CCDC25: variants seen among roughly 807,000 people sequenced by gnomAD.
The protein encoded by CCDC25 is coiled-coil domain containing 25.
CCDC25 carries 16 observed loss-of-function variants against 35.3 expected under a neutral mutation model. That is an observed-to-expected ratio of 0.45 (90% CI 0.31 to 0.69). CCDC25 has a LOEUF of 0.69. Ranked by LOEUF, CCDC25 falls within the 30% of genes least tolerant of loss-of-function variation. CCDC25 has a pLI of 0.06. For synonymous variants in CCDC25, 79 were observed against 80.3 expected (o/e 0.98, Z 0.09); for missense variants, 179 against 250.7 (o/e 0.71, Z 1.93).
chr8:27,748,447 C>A (rs1018115736), intron 6 of CCDC25, 48 bp downstream of exon 6: 8 of 1,398,696 alleles, frequency 5.7e-6, no homozygotes, highest in Non-Finnish European at 8.1e-6. Flanking sequence ...ATAGGATACT[C>A]CATTCAGTAT....
intron 5 of CCDC25, among the ~76,000 whole-genome samples, 189 bp downstream of exon 5, chr8:27,752,323 G>A (rs1041599002): frequency 6.6e-6 from 1 of 152,174 alleles, no homozygotes; most frequent in Non-Finnish European, 1.5e-5. Flanking sequence ...AGGGTGGGGA[G>A]ATCAGTTTTT....
chr8:27,752,693 A>G lies in CCDC25; in HGVS notation c.169-106T>C, dbSNP rs951822024. ...TACCTACTAGGCATGATTTTACTAA[A>G]AGCAGAGGTTCTTCAACTGTTACAG... is the stretch of plus-strand genomic sequence containing the variant. On this transcript the variant is annotated intron_variant, in intron 4 of 8. Coordinates refer to ENST00000356537, the MANE Select transcript of CCDC25 (RefSeq NM_018246.3). 26 of 748,218 alleles carry G rather than the reference A, an allele frequency of 3.5e-5. No homozygotes were observed. The Admixed American group carries it at 5.5e-4, about 16-fold the overall frequency. The allele number at this position is 748,218 out of a possible 1,614,324, so 46.3% of individuals were successfully genotyped here.
intron 1 of CCDC25, among the ~76,000 whole-genome samples, chr8:27,767,582 C>T (rs988477089): frequency 7.2e-5 from 11 of 152,026 alleles, no homozygotes; most frequent in East Asian, 1.9e-4. Context: ...AGCAATTGCT[C>T]GCGATTAGAG....
At chr8:27,748,812 G>A (rs1203528625) in intron 5 of CCDC25, among the ~76,000 whole-genome samples, 1 of 152,206 alleles carries the variant, frequency 6.6e-6, no homozygotes, top group Non-Finnish European at 1.5e-5. Flanking sequence ...ACTATGGCAA[G>A]TAGGAGTCCA....
rs746538853 is a variant in CCDC25, at chr8:27,733,366, C to G, written c.*2850G>C. 16 of 152,220 alleles carry G rather than the reference C, an allele frequency of 1.1e-4. No homozygotes were observed. The highest frequency in any genetic ancestry group is 1.6e-4 in the Non-Finnish European group (11 of 68,040). 9.4% of individuals were successfully genotyped at this position (152,220 alleles called of 1,614,324 possible). On this transcript the variant is annotated 3_prime_UTR_variant, in exon 9 of 9. Coordinates refer to ENST00000356537, the MANE Select transcript of CCDC25 (RefSeq NM_018246.3). ...TATTGTATTTTACAGATCATTCATT[C>G]AGGACATGCTGCATCTGGGGTTGGC...
intron 7 of CCDC25, among the ~76,000 whole-genome samples, chr8:27,746,556 C>T (rs777111688): frequency 1.3e-5 from 2 of 152,140 alleles, no homozygotes; most frequent in Non-Finnish European, 2.9e-5. Context: ...TCAGTTTCCC[C>T]CCACTCCAAA....
At chr8:27,760,384 C>T (rs1437013520) in intron 3 of CCDC25, among the ~76,000 whole-genome samples, 5 of 152,282 alleles carry the variant, frequency 3.3e-5, no homozygotes, top group Admixed American at 3.3e-4. Context: ...AGCTAACTGC[C>T]TAACAGGTGC....
In CCDC25 at chr8:27,756,552, A is replaced by T. The variant is rs537268144; in HGVS notation, c.168+167T>A. ...TTCTATATCTCAAAAATCATCTAGAATGTTAGAGTGATTTTCTGGGTCAGA... is the reference window on the plus strand; with the variant it reads ...TTCTATATCTCAAAAATCATCTAGATTGTTAGAGTGATTTTCTGGGTCAGA... On this transcript the variant is annotated intron_variant, in intron 4 of 8. Coordinates refer to ENST00000356537, the MANE Select transcript of CCDC25 (RefSeq NM_018246.3). The T allele has an allele frequency of 9.7e-4, 575 of 595,272 alleles. 2 individuals carry two copies. Among genetic ancestry groups the T allele is most frequent in the Admixed American group, 1.8e-3 (61 of 34,162 alleles). 36.9% of individuals were successfully genotyped at this position (595,272 alleles called of 1,614,324 possible).
intron 3 of CCDC25, among the ~76,000 whole-genome samples, chr8:27,757,536 C>T (rs1177702125): frequency 6.6e-6 from 1 of 152,108 alleles, no homozygotes; most frequent in East Asian, 1.9e-4. Flanking sequence ...TTAAATTTAC[C>T]TTTCATGATG....
intron 2 of CCDC25, among the ~76,000 whole-genome samples, chr8:27,764,057 T>C (rs183157603): frequency 5.3e-4 from 80 of 152,334 alleles, no homozygotes; most frequent in African/African-American, 1.8e-3. Flanking sequence ...TGAAAGCTTT[T>C]CAGTGAAAGT....
intron 1 of CCDC25, among the ~76,000 whole-genome samples, chr8:27,769,321 C>A (rs1404592437): frequency 6.6e-6 from 1 of 152,072 alleles, no homozygotes; most frequent in Non-Finnish European, 1.5e-5. Context: ...AAAACAGGAC[C>A]CACAAATCTA....
chr8:27,763,032 GAAGGATTCTTTTTTTAATTCT>G (rs1804279689), intron 2 of CCDC25, among the ~76,000 whole-genome samples: 1 of 152,122 alleles, frequency 6.6e-6, no homozygotes, highest in Admixed American at 6.6e-5. Context: ...TGGGTATTAA[GAAGGATTCTTTTTTTAATTCT>G]AAGCATTCTA....
Position 27,734,720 on chromosome 8 carries a change from C to T in CCDC25, c.*1496G>A, listed in dbSNP as rs1803157341. 1 of 152,112 alleles carries T rather than the reference C, an allele frequency of 6.6e-6. No individual in the cohort carries two copies. Among genetic ancestry groups the T allele is most frequent in the South Asian group, 2.1e-4 (1 of 4,826 alleles). The allele number at this position is 152,112 out of a possible 1,614,324, so 9.4% of individuals were successfully genotyped here. A position where few individuals can be genotyped will look rare whatever the true frequency, so the allele number is the denominator to read the frequency against. On this transcript the variant is annotated 3_prime_UTR_variant, in exon 9 of 9. Coordinates refer to ENST00000356537, the MANE Select transcript of CCDC25 (RefSeq NM_018246.3). ...CTATAGTAAAAATATATGTATTTTT[C>T]AAAAGCGCTATCTACATGTGTTGCA...
chr8:27,738,534 C>T (rs1013011142), intron 8 of CCDC25, among the ~76,000 whole-genome samples: 5 of 151,460 alleles, frequency 3.3e-5, no homozygotes, highest in Non-Finnish European at 5.9e-5. Context: ...TTCCTAGTCT[C>T]GGGACTTTTA....
At chr8:27,756,474 G>A (rs1006788523) in intron 4 of CCDC25, 4 of 428,822 alleles carry the variant, frequency 9.3e-6, no homozygotes, top group South Asian at 6.0e-5. Context: ...ACAGCACACC[G>A]GAAGTGACAG....
chr8:27,756,631 T>C, intron 4 of CCDC25, 88 bp downstream of exon 4: 1 of 911,506 alleles, frequency 1.1e-6, no homozygotes, highest in Non-Finnish European at 1.8e-6. Flanking sequence ...AACTTATTAC[T>C]GTAAGCAATT....
In CCDC25 at chr8:27,737,186, C is replaced by T. The variant is rs1671586258; in HGVS notation, c.598-941G>A. On this transcript the variant is annotated intron_variant, in intron 8 of 8. Transcript: ENST00000356537. The surrounding 1 kb of genome is among the most constrained non-coding windows in gnomAD (Gnocchi z 4.6). ...TTCCATTAGCACGATGAACTGAAGCCAAGGTAAAAATGCCTTCGATAATTG... is the reference window on the plus strand; with the variant it reads ...TTCCATTAGCACGATGAACTGAAGCTAAGGTAAAAATGCCTTCGATAATTG... Among the ~76,000 whole-genome samples the T allele has an allele frequency of 6.6e-6, 1 of 152,036 alleles. No homozygotes were observed. The highest frequency in any genetic ancestry group is 2.4e-5 in the African/African-American group (1 of 41,382).
intron 3 of CCDC25, 128 bp from the exon 4 acceptor site, chr8:27,756,898 G>C: frequency 1.4e-6 from 1 of 690,182 alleles, no homozygotes; most frequent in South Asian, 1.7e-5. Context: ...AGCATCATGA[G>C]GAGTATAAAG....
chr8:27,741,655 G>GC (rs1803444014), intron 7 of CCDC25, among the ~76,000 whole-genome samples: 1 of 152,172 alleles, frequency 6.6e-6, no homozygotes, highest in African/African-American at 2.4e-5. Context: ...TCCAACATGG[G>GC]CGACAGAGCA....
Sources: allele counts gnomAD v4.1 joint callset (sites outside exome capture counted in the v4.1 genomes callset), GRCh38; gene constraint gnomAD v4.1.1; non-coding constraint Gnocchi (gnomAD v3.1); transcripts MANE v1.5; gene names NCBI Gene and HGNC (gene_info 2026-07-23, HGNC 2026-07-21).